SYT16: variants seen among roughly 807,000 people sequenced by gnomAD.
SYT16 encodes the protein synaptotagmin-16.
SYT16 carries 42 observed loss-of-function variants against 61.4 expected under a neutral mutation model. That is an observed-to-expected ratio of 0.68 (90% CI 0.53 to 0.89). SYT16 has a LOEUF of 0.89. Ranked by LOEUF, SYT16 falls within the 40% of genes least tolerant of loss-of-function variation. The probability of loss-of-function intolerance (pLI) is 0.00; values close to 1 mark genes in which losing one functional copy is unlikely to be tolerated. For missense variants in SYT16, 804 were observed against 807.3 expected, an observed-to-expected ratio of 1.00 and a Z score of 0.05; for synonymous variants, 314 against 302.3, an observed-to-expected ratio of 1.04 and a Z score of -0.40.
intron 3 of SYT16, among the ~76,000 whole-genome samples, chr14:62,034,740 T>C (rs1364519811): frequency 5.3e-5 from 8 of 152,044 alleles, no homozygotes; most frequent in Admixed American, 4.6e-4. Flanking sequence ...TGGTGACAGG[T>C]AGTAGATATG....
chr14:61,902,023 G>A (rs866786960), intron 1 of SYT16, among the ~76,000 whole-genome samples: 6 of 152,026 alleles, frequency 3.9e-5, no homozygotes, highest in African/African-American at 4.8e-5. Context: ...TTGGCCTCCC[G>A]AAGTGCTGAG....
chr14:62,006,123 C>A (rs2053213897), intron 3 of SYT16, among the ~76,000 whole-genome samples: 1 of 152,030 alleles, frequency 6.6e-6, no homozygotes. Flanking sequence ...CCCTGAGGGC[C>A]CTATAAAACT....
chr14:62,075,503 C>G (rs1242549215), intron 5 of SYT16, 112 bp downstream of exon 5: 8 of 1,249,608 alleles, frequency 6.4e-6, no homozygotes, highest in Non-Finnish European at 8.4e-6. Flanking sequence ...GGAAGCATTA[C>G]TTTTATCTGC....
intron 1 of SYT16, among the ~76,000 whole-genome samples, chr14:61,964,082 A>G (rs1398497610): frequency 2.6e-5 from 4 of 152,178 alleles, no homozygotes; most frequent in African/African-American, 9.6e-5. Context: ...ATGGAGATGT[A>G]TAAGGAGAAA....
At chr14:62,080,599 A>C (rs1233306436) in intron 5 of SYT16, among the ~76,000 whole-genome samples, 1 of 152,236 alleles carries the variant, frequency 6.6e-6, no homozygotes, top group Admixed American at 6.5e-5. Flanking sequence ...TAAAAGCTTT[A>C]GTTATCCATT....
At chr14:62,064,483 T>C (rs1392711065) in intron 3 of SYT16, among the ~76,000 whole-genome samples, 1 of 152,158 alleles carries the variant, frequency 6.6e-6, no homozygotes, top group African/African-American at 2.4e-5. Context: ...TGGCTTTAGT[T>C]TTTCTGTGTG....
At chr14:61,935,454 C>T (rs2049941320) in intron 1 of SYT16, among the ~76,000 whole-genome samples, 1 of 152,178 alleles carries the variant, frequency 6.6e-6, no homozygotes, top group South Asian at 2.1e-4. Context: ...AAGTCCTAAG[C>T]CTTGGTCGCT....
chr14:61,830,754 C>T (rs748293566), intron 1 of SYT16, among the ~76,000 whole-genome samples: 22 of 152,098 alleles, frequency 1.4e-4, no homozygotes, highest in Admixed American at 9.2e-4. Flanking sequence ...GTTCTGTGGT[C>T]GCTATGCCAT....
At chr14:61,850,097 A>G (rs977881101) in intron 1 of SYT16, among the ~76,000 whole-genome samples, 13 of 146,904 alleles carry the variant, frequency 8.8e-5, no homozygotes, top group Non-Finnish European at 1.4e-4. Context: ...GTAAGATGGT[A>G]TCTCAGTGTG....
At chr14:61,963,544 A>G (rs1017463195) in intron 1 of SYT16, among the ~76,000 whole-genome samples, 1 of 152,200 alleles carries the variant, frequency 6.6e-6, no homozygotes, top group Non-Finnish European at 1.5e-5. Context: ...AGGAAGCTGC[A>G]GAAGAAAAGC....
chr14:62,090,972 A>G lies in SYT16; in HGVS notation c.1624+6587A>G, dbSNP rs529528202. Among the ~76,000 whole-genome samples the G allele has an allele frequency of 9.8e-5, 15 of 152,294 alleles. No individual in the cohort carries two copies. The East Asian group carries it at 2.9e-3, about 29-fold the overall frequency. On this transcript the variant is annotated intron_variant, in intron 7 of 7. Transcript: ENST00000683842. ...TTCACTATCATGAGAACAGCACGGA[A>G]AGACCCACCCCCATGATTCAGTTAC...
intron 3 of SYT16, among the ~76,000 whole-genome samples, chr14:62,020,671 G>A (rs2053876268): frequency 6.6e-6 from 1 of 152,176 alleles, no homozygotes; most frequent in African/African-American, 2.4e-5. Flanking sequence ...TCTGACTTTG[G>A]TTAAACTCAG....
At chr14:61,978,389 A>G (rs1248426112) in intron 2 of SYT16, among the ~76,000 whole-genome samples, 1 of 152,238 alleles carries the variant, frequency 6.6e-6, no homozygotes, top group Non-Finnish European at 1.5e-5. Context: ...TTACAAAGAA[A>G]GATGTAACAA....
intron 2 of SYT16, among the ~76,000 whole-genome samples, chr14:61,978,230 CAGG>C (rs1433629765): frequency 1.3e-5 from 2 of 152,142 alleles, no homozygotes. Context: ...CCCACTATAG[CAGG>C]AGAAGAAGGT....
intron 1 of SYT16, among the ~76,000 whole-genome samples, chr14:61,951,044 C>T (rs928962049): frequency 6.6e-6 from 1 of 152,132 alleles, no homozygotes; most frequent in African/African-American, 2.4e-5. Context: ...GTGATCTGAG[C>T]TTTAAAAAGG....
chr14:61,975,873 C>T (rs1032120913), intron 2 of SYT16, among the ~76,000 whole-genome samples: 5 of 152,164 alleles, frequency 3.3e-5, no homozygotes, highest in Non-Finnish European at 7.3e-5. Context: ...CAACAGTCCC[C>T]CAAAGTCTTA....
intron 1 of SYT16, among the ~76,000 whole-genome samples, chr14:61,836,657 C>T (rs1344744617): frequency 6.6e-6 from 1 of 152,060 alleles, no homozygotes; most frequent in Non-Finnish European, 1.5e-5. Flanking sequence ...ATTTTTATTG[C>T]AGACATTACA....
chr14:61,985,188 G>A (rs1354296327), intron 2 of SYT16, among the ~76,000 whole-genome samples: 1 of 152,160 alleles, frequency 6.6e-6, no homozygotes, highest in East Asian at 1.9e-4. Context: ...AAGATAAAAT[G>A]TGTAGCAATA....
At chr14:61,854,087 C>A (rs1479321529) in intron 1 of SYT16, among the ~76,000 whole-genome samples, 2 of 152,038 alleles carry the variant, frequency 1.3e-5, no homozygotes, top group Non-Finnish European at 2.9e-5. Flanking sequence ...TACACACACA[C>A]CCCCACCCCA....
Sources: allele counts gnomAD v4.1 joint callset (sites outside exome capture counted in the v4.1 genomes callset), GRCh38; gene constraint gnomAD v4.1.1; transcripts MANE v1.5; gene names NCBI Gene and HGNC (gene_info 2026-07-23, HGNC 2026-07-21).